BBOX1: variants seen among roughly 807,000 people sequenced by gnomAD.
The protein encoded by BBOX1 is gamma-butyrobetaine dioxygenase.
Under a neutral mutation model 41.6 loss-of-function variants are expected in BBOX1, and 35 were observed. That is an observed-to-expected ratio of 0.84 (90% CI 0.64 to 1.11). The LOEUF is 1.11. BBOX1 is among the 50% of genes most tolerant of loss of function. The pLI, the probability that BBOX1 is intolerant of heterozygous loss-of-function variation, is 0.00. For missense variants in BBOX1, 458 were observed against 460.6 expected, an observed-to-expected ratio of 0.99 and a Z score of 0.05; for synonymous variants, 163 against 154.7, an observed-to-expected ratio of 1.05 and a Z score of -0.40.
At chr11:27,122,629 T>C (rs909429864) in intron 7 of BBOX1, among the ~76,000 whole-genome samples, 1 of 152,162 alleles carries the variant, frequency 6.6e-6, no homozygotes, top group Non-Finnish European at 1.5e-5. Context: ...CAGATCCTCA[T>C]AAATTATGAC....
intron 4 of BBOX1, among the ~76,000 whole-genome samples, chr11:27,082,794 C>T (rs1286095078): frequency 1.3e-5 from 2 of 152,168 alleles, no homozygotes; most frequent in African/African-American, 4.8e-5. Flanking sequence ...TTTTCATACA[C>T]TGCCATTTAT....
chr11:27,084,365 CA>C (rs1206991662), intron 4 of BBOX1, among the ~76,000 whole-genome samples: 1 of 152,034 alleles, frequency 6.6e-6, no homozygotes, highest in Non-Finnish European at 1.5e-5. Context: ...ATCTTCATCA[CA>C]GGGTCAGCTT....
intron 5 of BBOX1, among the ~76,000 whole-genome samples, chr11:27,102,667 C>T (rs1264261782): frequency 1.3e-5 from 2 of 152,078 alleles, no homozygotes; most frequent in Admixed American, 6.6e-5. Flanking sequence ...CTGCTCAGCA[C>T]CAAACTTAGC....
At chr11:27,043,452 G>C (rs1851400611) in intron 2 of BBOX1, among the ~76,000 whole-genome samples, 1 of 151,952 alleles carries the variant, frequency 6.6e-6, no homozygotes, top group Non-Finnish European at 1.5e-5. Flanking sequence ...TGCAGGTTTG[G>C]GGTACACGTG....
chr11:27,119,441 T>C (rs1387076235), intron 6 of BBOX1, among the ~76,000 whole-genome samples: 1 of 151,974 alleles, frequency 6.6e-6, no homozygotes, highest in African/African-American at 2.4e-5. Flanking sequence ...AACTTTTTTC[T>C]TCCCAACTCT....
intron 4 of BBOX1, chr11:27,066,623 T>G: frequency 8.2e-6 from 1 of 121,268 alleles, no homozygotes. Context: ...CTTCCAAATG[T>G]GCCCATCCAT....
intron 4 of BBOX1, among the ~76,000 whole-genome samples, chr11:27,058,442 T>C (rs1160021531): frequency 6.6e-6 from 1 of 152,164 alleles, no homozygotes; most frequent in Non-Finnish European, 1.5e-5. Context: ...TACCTAAAAT[T>C]TAGAAGCAGC....
chr11:27,127,319 C>T lies in BBOX1; in HGVS notation c.1030C>T (p.Arg344Cys), dbSNP rs764375198. The T allele has an allele frequency of 2.5e-6, 4 of 1,613,822 alleles. No homozygotes were observed. Among genetic ancestry groups the T allele is most frequent in the Non-Finnish European group, 3.4e-6 (4 of 1,179,964 alleles). The part of the protein sequence containing the change: ...PGDVITFDNW[R>C]LLHGRRSYEA... ...TGATGTGATTACTTTTGATAACTGG[C>T]GCTTACTTCATGGCCGACGTAGCTA... Residue 344 changes from arginine (R) to cysteine (C), a missense_variant, in exon 9 of 9, where the codon CGC becomes TGC. Arg to Cys is a radical substitution (Grantham distance 180, BLOSUM62 -3). Transcript: ENST00000263182.
At chr11:27,073,885 G>T (rs1857547519) in intron 4 of BBOX1, among the ~76,000 whole-genome samples, 1 of 152,046 alleles carries the variant, frequency 6.6e-6, no homozygotes, top group Admixed American at 6.5e-5. Flanking sequence ...GACACAGGAA[G>T]GGAAACATCA....
intron 4 of BBOX1, among the ~76,000 whole-genome samples, chr11:27,059,995 T>C (rs1283485658): frequency 6.6e-6 from 1 of 152,182 alleles, no homozygotes; most frequent in Non-Finnish European, 1.5e-5. Context: ...GTTAAGACTT[T>C]CAGGGACTAC....
chr11:27,092,951 G>C (rs1858301917), intron 4 of BBOX1, among the ~76,000 whole-genome samples: 1 of 151,804 alleles, frequency 6.6e-6, no homozygotes, highest in South Asian at 2.1e-4. Context: ...ACCTGCTATG[G>C]GCCAGACACA....
chr11:27,076,234 T>C (rs1857625208), intron 4 of BBOX1, among the ~76,000 whole-genome samples: 2 of 152,174 alleles, frequency 1.3e-5, no homozygotes, highest in Admixed American at 1.3e-4. Flanking sequence ...TCTAGTCTCC[T>C]AGCAGCAGAT....
intron 4 of BBOX1, among the ~76,000 whole-genome samples, chr11:27,069,615 G>C (rs1369559896): frequency 6.6e-6 from 1 of 152,104 alleles, no homozygotes; most frequent in Non-Finnish European, 1.5e-5. Context: ...ATGTTGAATA[G>C]AACTGGTGAA....
At chr11:27,112,333 T>G (rs1859100669) in intron 5 of BBOX1, among the ~76,000 whole-genome samples, 1 of 151,960 alleles carries the variant, frequency 6.6e-6, no homozygotes, top group Admixed American at 6.6e-5. Context: ...GTCACAGTCA[T>G]AGTTATTTTG....
At chr11:27,104,843 T>G (rs1292111363) in intron 5 of BBOX1, among the ~76,000 whole-genome samples, 1 of 152,096 alleles carries the variant, frequency 6.6e-6, no homozygotes, top group African/African-American at 2.4e-5. Flanking sequence ...ACACCGCCCA[T>G]TAGGGGCAGA....
chr11:27,073,157 T>C (rs1055167897), intron 4 of BBOX1, among the ~76,000 whole-genome samples: 61 of 152,204 alleles, frequency 4.0e-4, no homozygotes, highest in African/African-American at 1.3e-3. Flanking sequence ...ATTTTTGCAA[T>C]CTACTCATCT....
At chr11:27,085,562 TCTC>T (rs1858008330) in intron 4 of BBOX1, among the ~76,000 whole-genome samples, 1 of 146,168 alleles carries the variant, frequency 6.8e-6, no homozygotes, top group African/African-American at 2.6e-5. Flanking sequence ...CCCATCTCTC[TCTC>T]TCTCTCTCTC....
chr11:27,056,806 G>A (rs1206357534), intron 3 of BBOX1, among the ~76,000 whole-genome samples: 1 of 151,626 alleles, frequency 6.6e-6, no homozygotes, highest in African/African-American at 2.4e-5. Context: ...GGTGGCTCAC[G>A]CCTGTAATCC....
chr11:27,123,556 GA>G (rs999531318), intron 7 of BBOX1, among the ~76,000 whole-genome samples: 1 of 150,578 alleles, frequency 6.6e-6, no homozygotes, highest in Non-Finnish European at 1.5e-5. Flanking sequence ...CACATAACAA[GA>G]AAAAAAAAGA....
Sources: gnomAD v4.1 joint callset for allele counts (sites outside exome capture counted in the v4.1 genomes callset) on GRCh38, gnomAD v4.1.1 for gene constraint, MANE v1.5 for transcripts, NCBI Gene and HGNC (gene_info 2026-07-23, HGNC 2026-07-21) for gene names.